Variants in SMIM13 observed in about 807,000 individuals in gnomAD.
The protein encoded by SMIM13 is small integral membrane protein 13, also known as UPF0766 protein C6orf228.
SMIM13 carries 3 observed loss-of-function variants against 5.9 expected under a neutral mutation model. That is an observed-to-expected ratio of 0.51 (90% confidence interval 0.23 to 1.31). The LOEUF (loss-of-function observed/expected upper bound fraction) is 1.31, where lower values mean the gene tolerates loss of function less well. SMIM13 is among the 40% of genes most tolerant of loss of function. The pLI, the probability that SMIM13 is intolerant of heterozygous loss-of-function variation, is 0.18. For synonymous variants in SMIM13, 55 were observed against 46.0 expected (o/e 1.19, Z -0.79); for missense variants, 85 against 109.9 (o/e 0.77, Z 1.01).
intron 1 of SMIM13, chr6:11,105,553 G>T: frequency 2.2e-6 from 1 of 461,514 alleles, no homozygotes; most frequent in Non-Finnish European, 4.0e-6. Context: ...GCTGGTTCTG[G>T]CTCTGGAGTT....
intron 1 of SMIM13, among the ~76,000 whole-genome samples, chr6:11,100,468 C>T (rs1268830934): frequency 6.6e-6 from 1 of 152,148 alleles, no homozygotes; most frequent in Non-Finnish European, 1.5e-5. Flanking sequence ...CTCCTTCCCC[C>T]ACCCAGATCC....
At chr6:11,123,927 A>G (rs536861724) in intron 1 of SMIM13, among the ~76,000 whole-genome samples, 1 of 152,342 alleles carries the variant, frequency 6.6e-6, no homozygotes, top group Non-Finnish European at 1.5e-5. Flanking sequence ...ATATTTTGAT[A>G]CGGGCATGCA....
intron 1 of SMIM13, among the ~76,000 whole-genome samples, chr6:11,111,085 C>G (rs1194450018): frequency 6.6e-6 from 1 of 152,178 alleles, no homozygotes; most frequent in Non-Finnish European, 1.5e-5. Flanking sequence ...GTCATCCGAG[C>G]TGGTAGGGTA....
At chr6:11,104,611 G>T in intron 1 of SMIM13, 1 of 1,614,128 alleles carries the variant, frequency 6.2e-7, no homozygotes, top group South Asian at 1.1e-5. Flanking sequence ...AGAGAATTTC[G>T]AGTTTGGTCC....
intron 1 of SMIM13, among the ~76,000 whole-genome samples, chr6:11,096,952 A>G (rs1269664249): frequency 6.6e-6 from 1 of 152,104 alleles, no homozygotes; most frequent in Non-Finnish European, 1.5e-5. Context: ...CGGCTTCCCA[A>G]AGTGCTGGGA....
chr6:11,118,159 C>A (rs1282621097), intron 1 of SMIM13, among the ~76,000 whole-genome samples: 2 of 145,438 alleles, frequency 1.4e-5, no homozygotes, highest in Non-Finnish European at 3.0e-5. Flanking sequence ...GCATGAACCA[C>A]CACCTATGGC....
At chr6:11,097,454 G>A (rs1449864971) in intron 1 of SMIM13, among the ~76,000 whole-genome samples, 8 of 151,608 alleles carry the variant, frequency 5.3e-5, no homozygotes, top group Non-Finnish European at 1.2e-4. Context: ...TCAGGAGTTC[G>A]AGACCAGCCT....
At chr6:11,118,637 A>T (rs1309626505) in intron 1 of SMIM13, among the ~76,000 whole-genome samples, 2 of 152,228 alleles carry the variant, frequency 1.3e-5, no homozygotes, top group Non-Finnish European at 2.9e-5. Context: ...GGTCATATTG[A>T]GGTAATAGTA....
intron 1 of SMIM13, among the ~76,000 whole-genome samples, chr6:11,126,430 A>G (rs944096333): frequency 6.6e-6 from 1 of 152,184 alleles, no homozygotes; most frequent in Non-Finnish European, 1.5e-5. Context: ...AGAGACTCTG[A>G]TGCATTCCTC....
intron 1 of SMIM13, among the ~76,000 whole-genome samples, chr6:11,119,672 G>T (rs1758286401): frequency 6.7e-6 from 1 of 148,180 alleles, no homozygotes; most frequent in South Asian, 2.2e-4. Flanking sequence ...CAGAAAATTT[G>T]GTCCTCATCA....
intron 1 of SMIM13, among the ~76,000 whole-genome samples, chr6:11,110,052 G>A (rs997991557): frequency 3.3e-5 from 5 of 152,128 alleles, no homozygotes; most frequent in Non-Finnish European, 5.9e-5. Flanking sequence ...GTCCCATCTT[G>A]TTTTATTGAG....
chr6:11,097,193 T>C (rs1757936903), intron 1 of SMIM13, among the ~76,000 whole-genome samples: 1 of 152,126 alleles, frequency 6.6e-6, no homozygotes, highest in African/African-American at 2.4e-5. Flanking sequence ...ATCAGCAGGG[T>C]TGATTTTCTC....
chr6:11,106,174 A>T (rs987122028), intron 1 of SMIM13, among the ~76,000 whole-genome samples: 3 of 152,170 alleles, frequency 2.0e-5, no homozygotes, highest in Admixed American at 2.0e-4. Context: ...GAACTGAGGA[A>T]TGAGTTCCTT....
At chr6:11,127,832 G>A (rs1758397769) in intron 1 of SMIM13, among the ~76,000 whole-genome samples, 2 of 152,258 alleles carry the variant, frequency 1.3e-5, no homozygotes, top group South Asian at 2.1e-4. Flanking sequence ...CTTGTGGTGA[G>A]ATTTGGGTGG....
chr6:11,104,894 A>C (rs1462294663), intron 1 of SMIM13: 8 of 1,614,102 alleles, frequency 5.0e-6, no homozygotes, highest in Non-Finnish European at 6.8e-6. Flanking sequence ...TACTTGGAAG[A>C]GTGCCTACAT....
chr6:11,112,132 G>A (rs1400667436), intron 1 of SMIM13, among the ~76,000 whole-genome samples: 1 of 152,116 alleles, frequency 6.6e-6, no homozygotes, highest in Non-Finnish European at 1.5e-5. Flanking sequence ...ACAACCGCCT[G>A]ATCATCACCT....
intron 1 of SMIM13, among the ~76,000 whole-genome samples, chr6:11,128,439 C>CA (rs755238134): frequency 3.3e-5 from 5 of 152,154 alleles, no homozygotes; most frequent in Non-Finnish European, 5.9e-5. Flanking sequence ...TCTCCTCAAA[C>CA]AGAGGGAAGA....
chr6:11,118,823 G>A (rs1202683088), intron 1 of SMIM13, among the ~76,000 whole-genome samples: 2 of 152,206 alleles, frequency 1.3e-5, no homozygotes, highest in Non-Finnish European at 2.9e-5. Flanking sequence ...ACTTTAGCTT[G>A]TTACATGTAT....
intron 1 of SMIM13, among the ~76,000 whole-genome samples, chr6:11,123,449 T>G (rs577847591): frequency 6.6e-6 from 1 of 152,226 alleles, no homozygotes; most frequent in African/African-American, 2.4e-5. Flanking sequence ...TAACAAGAGA[T>G]GAACTATGTG....
Sources: gnomAD v4.1 joint callset for allele counts (sites outside exome capture counted in the v4.1 genomes callset) on GRCh38, gnomAD v4.1.1 for gene constraint, MANE v1.5 for transcripts, NCBI Gene and HGNC (gene_info 2026-07-23, HGNC 2026-07-21) for gene names.